The following SIPA1L1 variants were observed in gnomAD, a reference collection of about 807,000 sequenced individuals.
The protein encoded by SIPA1L1 is signal-induced proliferation-associated 1-like protein 1.
A neutral mutation model predicts 162.7 loss-of-function variants in SIPA1L1; 26 were observed. The observed-to-expected ratio is 0.16, with a 90% CI of 0.12 to 0.22. The LOEUF (loss-of-function observed/expected upper bound fraction) is 0.22, where lower values mean the gene tolerates loss of function less well. SIPA1L1 is among the 10% of genes least tolerant of loss of function. The pLI, the probability that SIPA1L1 is intolerant of heterozygous loss-of-function variation, is 1.00. For synonymous variants in SIPA1L1, 829 were observed against 837.4 expected (o/e 0.99, Z 0.17); for missense variants, 1,874 against 2,241.0 (o/e 0.84, Z 3.31).
At chr14:71,725,923 C>A (rs779254774) in intron 19 of SIPA1L1, among the ~76,000 whole-genome samples, 8 of 152,166 alleles carry the variant, frequency 5.3e-5, no homozygotes, top group Non-Finnish European at 1.0e-4. Flanking sequence ...TAGAATATTT[C>A]CTAAACCACA....
chr14:71,735,762 G>T (rs1046643061), intron 22 of SIPA1L1, among the ~76,000 whole-genome samples: 1 of 152,174 alleles, frequency 6.6e-6, no homozygotes, highest in Non-Finnish European at 1.5e-5. Context: ...TGATGGTCAT[G>T]CTTATACATG....
intron 2 of SIPA1L1, among the ~76,000 whole-genome samples, chr14:71,354,362 C>T (rs912021086): frequency 1.1e-4 from 17 of 150,532 alleles, no homozygotes; most frequent in Admixed American, 7.3e-4. Context: ...ACTGGAATCT[C>T]TGCCTCCCAG....
At chr14:71,696,688 A>C (rs2081654553) in intron 13 of SIPA1L1, among the ~76,000 whole-genome samples, 1 of 152,148 alleles carries the variant, frequency 6.6e-6, no homozygotes, top group East Asian at 1.9e-4. Context: ...CATGTTAAGC[A>C]CTCAGAAATG....
intron 2 of SIPA1L1, among the ~76,000 whole-genome samples, chr14:71,356,425 C>G (rs2037245187): frequency 6.6e-6 from 1 of 150,714 alleles, no homozygotes; most frequent in South Asian, 2.1e-4. Context: ...TTAAGGAAAC[C>G]TACTATTTAA....
chr14:71,665,195 C>G (rs944668550), intron 10 of SIPA1L1, among the ~76,000 whole-genome samples: 1 of 152,078 alleles, frequency 6.6e-6, no homozygotes, highest in Non-Finnish European at 1.5e-5. Context: ...TTATCCAGCC[C>G]TTAGCATATA....
chr14:71,637,063 A>C (rs1398693617), intron 7 of SIPA1L1, among the ~76,000 whole-genome samples: 2 of 150,998 alleles, frequency 1.3e-5, no homozygotes, highest in East Asian at 2.0e-4. Context: ...AAAAAAAAAA[A>C]AAAACAGCTA....
At chr14:71,594,891 C>T (rs1178368406) in intron 5 of SIPA1L1, among the ~76,000 whole-genome samples, 1 of 152,176 alleles carries the variant, frequency 6.6e-6, no homozygotes, top group Non-Finnish European at 1.5e-5. Flanking sequence ...TGCTGCTGTC[C>T]TTTTATCTGC....
At chr14:71,371,396 T>A (rs2038876796) in intron 2 of SIPA1L1, among the ~76,000 whole-genome samples, 2 of 152,212 alleles carry the variant, frequency 1.3e-5, no homozygotes, top group African/African-American at 4.8e-5. Flanking sequence ...TTTTTATTTT[T>A]ATTTTTTTAG....
chr14:71,672,501 G>T lies in SIPA1L1; in HGVS notation c.2983G>T (p.Val995Leu). Residue 995 changes from valine (V) to leucine (L), a missense_variant, in exon 12 of 24, where the codon GTG becomes TTG. Val to Leu is a conservative substitution (Grantham distance 32). Transcript: ENST00000381232. ...AGGGCTGAGGCAGGGCAGTCGCCTG[G>T]TGGAGATCTGCAAGGTGGCGGTAGC... is the stretch of plus-strand genomic sequence containing the variant. ...QAGLRQGSRL[V>L]EICKVAVATL... The T allele has an allele frequency of 6.2e-7, 1 of 1,614,190 alleles. No homozygotes were observed. The highest frequency in any genetic ancestry group is 8.5e-7 in the Non-Finnish European group (1 of 1,180,026).
intron 20 of SIPA1L1, among the ~76,000 whole-genome samples, chr14:71,730,982 C>A (rs985197333): frequency 6.6e-6 from 1 of 152,170 alleles, no homozygotes; most frequent in African/African-American, 2.4e-5. Context: ...CTCTACACCT[C>A]CCCTCATAGC....
chr14:71,478,527 T>A (rs1262396711), intron 2 of SIPA1L1, among the ~76,000 whole-genome samples: 1 of 152,240 alleles, frequency 6.6e-6, no homozygotes. Flanking sequence ...GAATTAATAT[T>A]TCTGTAAGAT....
At chr14:71,487,641 C>T (rs1405578909) in intron 2 of SIPA1L1, among the ~76,000 whole-genome samples, 1 of 152,164 alleles carries the variant, frequency 6.6e-6, no homozygotes, top group East Asian at 1.9e-4. Flanking sequence ...CCAGTGTCCA[C>T]TTTCACTCTG....
chr14:71,497,935 G>A (rs1305761169), intron 2 of SIPA1L1: 1 of 152,214 alleles, frequency 6.6e-6, no homozygotes, highest in African/African-American at 2.4e-5. Context: ...ACGAGTGACT[G>A]TATCATTTTT....
chr14:71,364,406 T>C (rs2038092742), intron 2 of SIPA1L1, among the ~76,000 whole-genome samples: 1 of 152,144 alleles, frequency 6.6e-6, no homozygotes, highest in South Asian at 2.1e-4. Flanking sequence ...TTCCCACCCT[T>C]AGTCTGGCCG....
At chr14:71,655,320 C>G (rs780215732) in intron 8 of SIPA1L1, among the ~76,000 whole-genome samples, 1 of 152,078 alleles carries the variant, frequency 6.6e-6, no homozygotes, top group Non-Finnish European at 1.5e-5. Flanking sequence ...TTTATGGCTG[C>G]GTACCATTCC....
chr14:71,474,784 A>T (rs2047719286), intron 2 of SIPA1L1, among the ~76,000 whole-genome samples: 2 of 152,166 alleles, frequency 1.3e-5, no homozygotes, highest in South Asian at 4.1e-4. Context: ...TTGGCTATTT[A>T]TAGTTGATTC....
At chr14:71,370,569 A>G (rs1001299269) in intron 2 of SIPA1L1, among the ~76,000 whole-genome samples, 4 of 152,154 alleles carry the variant, frequency 2.6e-5, no homozygotes, top group African/African-American at 9.7e-5. Flanking sequence ...ACACCAACAC[A>G]ACAGTAAGGG....
At chr14:71,720,984 T>C (rs1317102911) in intron 17 of SIPA1L1, among the ~76,000 whole-genome samples, 1 of 152,196 alleles carries the variant, frequency 6.6e-6, no homozygotes, top group Non-Finnish European at 1.5e-5. Context: ...TATGTCTTCC[T>C]GGATGTTCTT....
chr14:71,588,778 C>T lies in SIPA1L1; in HGVS notation c.906C>T (p.Ala302=), dbSNP rs1226628259. ...CTATTTTTCGTAAATTGCGCAATGC[C>T]AAAGGTGAAGAACTTGGGAAGTCAT... is the stretch of plus-strand genomic sequence containing the variant. ...DSSIFRKLRN[A]KGEELGKSSD... is the part of the protein sequence containing the mutation. Residue 302 remains alanine, a synonymous_variant, in exon 5 of 24, where the codon GCC becomes GCT. Transcript: ENST00000381232. This position sits in a 1 kb window ranked among gnomAD's most constrained non-coding sequence, Gnocchi z 4.3. 23 of 1,613,916 alleles carry T rather than the reference C, an allele frequency of 1.4e-5. No individual in the cohort carries two copies. Among genetic ancestry groups the T allele is most frequent in the African/African-American group, 2.7e-5 (2 of 74,902 alleles).
Sources: allele counts gnomAD v4.1 joint callset (sites outside exome capture counted in the v4.1 genomes callset), GRCh38; gene constraint gnomAD v4.1.1; non-coding constraint Gnocchi (gnomAD v3.1); transcripts MANE v1.5; gene names NCBI Gene and HGNC (gene_info 2026-07-23, HGNC 2026-07-21).